The following CTNNA1 variants were observed in gnomAD, a reference collection of about 807,000 sequenced individuals.
The protein encoded by CTNNA1 is catenin alpha 1.
A neutral mutation model predicts 98.4 loss-of-function variants in CTNNA1; 37 were observed. The observed-to-expected ratio is 0.38, with a 90% CI of 0.29 to 0.49. CTNNA1 has a LOEUF of 0.49. CTNNA1 is among the 20% of genes least tolerant of loss of function. The pLI is 0.95. For synonymous variants in CTNNA1, 404 were observed against 413.2 expected, an observed-to-expected ratio of 0.98 and a Z score of 0.27; for missense variants, 761 against 1,147.2, an observed-to-expected ratio of 0.66 and a Z score of 4.86.
chr5:138,804,640 C>T (rs891043199), intron 3 of CTNNA1, among the ~76,000 whole-genome samples: 3 of 152,164 alleles, frequency 2.0e-5, no homozygotes, highest in African/African-American at 4.8e-5. Context: ...TTTTTTCTTA[C>T]GGCTAAATAC....
intron 7 of CTNNA1, among the ~76,000 whole-genome samples, chr5:138,866,673 T>C (rs1764815641): frequency 6.6e-6 from 1 of 152,200 alleles, no homozygotes; most frequent in Non-Finnish European, 1.5e-5. Context: ...TTTTCATTTG[T>C]AGGCTTCGCA....
At chr5:138,780,664 T>C (rs1195435451) in intron 1 of CTNNA1, among the ~76,000 whole-genome samples, 1 of 152,034 alleles carries the variant, frequency 6.6e-6, no homozygotes, top group Non-Finnish European at 1.5e-5. Flanking sequence ...ATTACAGGCG[T>C]GCACCACCAG....
chr5:138,891,616 C>T (rs542251785), intron 9 of CTNNA1, among the ~76,000 whole-genome samples: 6 of 152,178 alleles, frequency 3.9e-5, no homozygotes, highest in South Asian at 2.1e-4. Context: ...AAAAATTAGC[C>T]GGGCATGGTG....
intron 7 of CTNNA1, among the ~76,000 whole-genome samples, chr5:138,839,973 G>C (rs1375008904): frequency 1.1e-4 from 17 of 152,210 alleles, no homozygotes; most frequent in Admixed American, 1.1e-3. Context: ...AATAGAACTT[G>C]TTAAAGCTTG....
chr5:138,785,813 C>T (rs985377135), intron 3 of CTNNA1, among the ~76,000 whole-genome samples: 11 of 152,162 alleles, frequency 7.2e-5, no homozygotes, highest in Non-Finnish European at 1.2e-4. Flanking sequence ...AGGCTCGTCT[C>T]GAACTCCTGA....
chr5:138,785,248 A>G (rs1166359450), intron 3 of CTNNA1, among the ~76,000 whole-genome samples: 1 of 151,186 alleles, frequency 6.6e-6, no homozygotes, highest in Non-Finnish European at 1.5e-5. Flanking sequence ...TTTTTAGTAG[A>G]GACGGGGTTT....
At chr5:138,902,627 G>A (rs576073309) in intron 9 of CTNNA1, among the ~76,000 whole-genome samples, 2 of 152,298 alleles carry the variant, frequency 1.3e-5, no homozygotes, top group Non-Finnish European at 2.9e-5. Flanking sequence ...CACCGTGTTA[G>A]CCAGGATGGT....
intron 1 of CTNNA1, chr5:138,754,521 A>G (rs1042576487): frequency 2.6e-5 from 4 of 152,154 alleles, no homozygotes; most frequent in Admixed American, 2.0e-4. Flanking sequence ...GGGGCATTTT[A>G]TATTTATGAT....
chr5:138,816,109 T>C (rs975420906), intron 5 of CTNNA1, among the ~76,000 whole-genome samples: 1 of 152,250 alleles, frequency 6.6e-6, no homozygotes, highest in African/African-American at 2.4e-5. Flanking sequence ...AGTCAACTTC[T>C]TAAGCTTCCA....
intron 7 of CTNNA1, chr5:138,872,798 G>C (rs1489428732): frequency 4.5e-6 from 2 of 447,224 alleles, no homozygotes; most frequent in Non-Finnish European, 7.8e-6. Flanking sequence ...TCCAACAGGA[G>C]TGCAAATTAA....
intron 7 of CTNNA1, among the ~76,000 whole-genome samples, chr5:138,834,673 AAAAT>A (rs1761603728): frequency 6.6e-6 from 1 of 152,180 alleles, no homozygotes; most frequent in East Asian, 1.9e-4. Context: ...CCCCAGAACT[AAAAT>A]AAATACTGGA....
At chr5:138,812,153 T>C (rs754710691) in intron 4 of CTNNA1, 30 bp from the exon 5 acceptor site, 1 of 1,599,566 alleles carries the variant, frequency 6.3e-7, no homozygotes, top group Non-Finnish European at 8.5e-7. Flanking sequence ...TTCAGAATTT[T>C]TGGGTTTTGG....
chr5:138,786,035 A>G (rs1387520146), intron 3 of CTNNA1, among the ~76,000 whole-genome samples: 2 of 152,138 alleles, frequency 1.3e-5, no homozygotes, highest in African/African-American at 2.4e-5. Flanking sequence ...ACCCCCCACA[A>G]TTTTGAATGC....
chr5:138,859,188 G>C lies in CTNNA1; in HGVS notation c.1063-27024G>C, dbSNP rs59506536. Among the ~76,000 whole-genome samples, 473 of 152,302 alleles carry C rather than the reference G, an allele frequency of 3.1e-3. 4 individuals carry two copies. The highest frequency in any genetic ancestry group is 0.011 in the African/African-American group (449 of 41,554). On this transcript the variant is annotated intron_variant, in intron 7 of 17. Coordinates refer to ENST00000302763, the MANE Select transcript of CTNNA1 (RefSeq NM_001903.5). Reference sequence around the variant, plus strand: ...TCCAGTCATTTTCATGAATTAAGCTGACCATATTCCTATTTGTTTTCCAAT... The same window carrying C: ...TCCAGTCATTTTCATGAATTAAGCTCACCATATTCCTATTTGTTTTCCAAT...
intron 3 of CTNNA1, among the ~76,000 whole-genome samples, chr5:138,785,271 C>T (rs1013243754): frequency 4.6e-5 from 7 of 151,540 alleles, no homozygotes; most frequent in South Asian, 2.1e-4. Flanking sequence ...CTGTTTTAGC[C>T]GGGATGGTCT....
At chr5:138,863,356 C>T (rs1414513914) in intron 7 of CTNNA1, among the ~76,000 whole-genome samples, 1 of 152,090 alleles carries the variant, frequency 6.6e-6, no homozygotes, top group African/African-American at 2.4e-5. Context: ...CTACTTCAGC[C>T]TCCCGGGTAG....
At chr5:138,796,588 GT>G (rs1181799024) in intron 3 of CTNNA1, among the ~76,000 whole-genome samples, 2 of 151,604 alleles carry the variant, frequency 1.3e-5, no homozygotes, top group African/African-American at 4.9e-5. Flanking sequence ...GAAATAAAAG[GT>G]TTTAGATAGT....
At chr5:138,848,278 A>G (rs758852576) in intron 7 of CTNNA1, among the ~76,000 whole-genome samples, 2 of 152,256 alleles carry the variant, frequency 1.3e-5, no homozygotes, top group Non-Finnish European at 1.5e-5. Context: ...CATGGTTGCA[A>G]GTGTATAGAA....
intron 3 of CTNNA1, among the ~76,000 whole-genome samples, chr5:138,803,145 G>A (rs1438735556): frequency 6.6e-6 from 1 of 151,256 alleles, no homozygotes; most frequent in Non-Finnish European, 1.5e-5. Context: ...TTTTCCTCCT[G>A]GTAATGGGCC....
Sources: allele counts gnomAD v4.1 joint callset (sites outside exome capture counted in the v4.1 genomes callset), GRCh38; gene constraint gnomAD v4.1.1; transcripts MANE v1.5; gene names NCBI Gene and HGNC (gene_info 2026-07-23, HGNC 2026-07-21).